LRRIQ3: variants seen among roughly 807,000 people sequenced by gnomAD.
LRRIQ3 encodes the protein leucine rich repeats and IQ motif containing 3, also known as leucine-rich repeat and IQ domain-containing protein 3.
Under a neutral mutation model 59.3 loss-of-function variants are expected in LRRIQ3, and 75 were observed. The observed-to-expected ratio is 1.26, with a 90% CI of 1.05 to 1.53. The LOEUF (loss-of-function observed/expected upper bound fraction) is 1.53. Ranked by LOEUF, LRRIQ3 falls within the 40% of genes most tolerant of loss-of-function variation. The probability of loss-of-function intolerance (pLI) is 0.00; values close to 1 mark genes in which losing one functional copy is unlikely to be tolerated. For missense variants in LRRIQ3, 831 were observed against 710.0 expected (o/e 1.17, Z -1.94); for synonymous variants, 250 against 231.3 (o/e 1.08, Z -0.73).
At chr1:74,182,942 T>C in intron 2 of LRRIQ3, 81 bp from the exon 3 acceptor site, 5 of 690,002 alleles carry the variant, frequency 7.2e-6, no homozygotes, top group Non-Finnish European at 1.1e-5. Context: ...ATTACACATA[T>C]AAAATTCAAT....
chr1:74,080,759 C>T lies in LRRIQ3; in HGVS notation c.868-5969G>A, dbSNP rs7355022. On this transcript the variant is annotated intron_variant, in intron 5 of 7. Transcript: ENST00000354431. ...CGCCTTTATTTGTTTGAATGAAAAT[C>T]GTTAGCTCTAGTGTCTGGCAGCACA... is the stretch of plus-strand genomic sequence containing the variant. 7.2e-3 allele frequency among the ~76,000 whole-genome samples: 1,097 copies of T among 151,642 alleles called. 14 individuals carry two copies. Among genetic ancestry groups the T allele is most frequent in the African/African-American group, 0.026 (1,060 of 41,482 alleles).
At chr1:74,145,424 C>T (rs1446473576) in intron 4 of LRRIQ3, among the ~76,000 whole-genome samples, 1 of 152,130 alleles carries the variant, frequency 6.6e-6, no homozygotes, top group East Asian at 1.9e-4. Flanking sequence ...TTTTCGTGAG[C>T]TTCCTGAAAA....
At chr1:74,087,381 C>CTTTTTTTTTTTTTTTTTTTTTTTTTTT (rs57068994) in intron 5 of LRRIQ3, among the ~76,000 whole-genome samples, 3 of 59,006 alleles carry the variant, frequency 5.1e-5, no homozygotes, top group African/African-American at 1.4e-4. Context: ...AAAATTTTAT[C>CTTTTTTTTTTTTTTTTTTTTTTTTTTT]TTTTTTTTTT....
chr1:74,074,826 T>C, intron 5 of LRRIQ3, 36 bp from the exon 6 acceptor site: 1 of 1,074,056 alleles, frequency 9.3e-7, no homozygotes, highest in Non-Finnish European at 1.3e-6. Flanking sequence ...ACAATGATAA[T>C]ATCTCATGTG....
intron 4 of LRRIQ3, among the ~76,000 whole-genome samples, chr1:74,139,100 A>G (rs1647182132): frequency 7.3e-6 from 1 of 137,472 alleles, no homozygotes; most frequent in Non-Finnish European, 1.6e-5. Context: ...GTGTGTATAT[A>G]TATATACATA....
intron 4 of LRRIQ3, among the ~76,000 whole-genome samples, chr1:74,154,337 C>T (rs2100664632): frequency 6.8e-6 from 1 of 146,772 alleles, no homozygotes; most frequent in Non-Finnish European, 1.5e-5. Context: ...TCAATTCCCA[C>T]AAATAGAAAT....
chr1:74,103,037 A>T (rs1646557322), intron 5 of LRRIQ3, among the ~76,000 whole-genome samples: 1 of 151,976 alleles, frequency 6.6e-6, no homozygotes, highest in Non-Finnish European at 1.5e-5. Flanking sequence ...TCTTCTCTAT[A>T]GATTCTTCTG....
chr1:74,062,042 A>G (rs532328450), intron 6 of LRRIQ3, among the ~76,000 whole-genome samples: 1 of 152,222 alleles, frequency 6.6e-6, no homozygotes, highest in East Asian at 1.9e-4. Flanking sequence ...TCAAAAGAAA[A>G]TAAAATTGAC....
intron 4 of LRRIQ3, among the ~76,000 whole-genome samples, chr1:74,122,533 C>A (rs1646875066): frequency 1.3e-5 from 2 of 152,000 alleles, no homozygotes; most frequent in Admixed American, 1.3e-4. Context: ...CGCATATCTA[C>A]AATCATCTAA....
intron 6 of LRRIQ3, among the ~76,000 whole-genome samples, chr1:74,048,164 A>G (rs1248560102): frequency 1.3e-5 from 2 of 152,162 alleles, no homozygotes; most frequent in African/African-American, 4.8e-5. Context: ...AGACTAACAC[A>G]AAGGAAGTTC....
chr1:74,169,934 A>G (rs1176994588), intron 3 of LRRIQ3, among the ~76,000 whole-genome samples: 2 of 152,074 alleles, frequency 1.3e-5, no homozygotes, highest in African/African-American at 2.4e-5. Context: ...ATCTTTTCAT[A>G]TATCTTTTTT....
intron 1 of LRRIQ3, among the ~76,000 whole-genome samples, chr1:74,186,049 TTATA>T (rs1167594525): frequency 6.7e-6 from 1 of 149,318 alleles, no homozygotes; most frequent in Admixed American, 6.7e-5. Context: ...GTACACAAAA[TTATA>T]TATATAATTA....
Position 74,166,830 on chromosome 1 carries a change from C to T in LRRIQ3, c.574-10964G>A, listed in dbSNP as rs756284991. ...TTCTCAAAAGAAGATATACAAATGG[C>T]CGACAAACATATGAAAAAAATGCTT... On this transcript the variant is annotated intron_variant, in intron 3 of 7. Transcript: ENST00000354431. 4.9e-4 allele frequency among the ~76,000 whole-genome samples: 75 copies of T among 151,616 alleles called. 2 individuals carry two copies. Among genetic ancestry groups the T allele is most frequent in the Non-Finnish European group, 4.4e-4 (30 of 67,816 alleles).
At chr1:74,132,903 A>C (rs1170587884) in intron 4 of LRRIQ3, among the ~76,000 whole-genome samples, 1 of 152,182 alleles carries the variant, frequency 6.6e-6, no homozygotes, top group African/African-American at 2.4e-5. Flanking sequence ...ACAGCAAAAG[A>C]AACTACCATC....
intron 3 of LRRIQ3, among the ~76,000 whole-genome samples, chr1:74,171,621 G>A (rs537449608): frequency 6.6e-6 from 1 of 152,190 alleles, no homozygotes; most frequent in East Asian, 1.9e-4. Context: ...TGTTGTTTTT[G>A]CCTGGCTTTG....
intron 7 of LRRIQ3, among the ~76,000 whole-genome samples, chr1:74,040,168 A>G (rs545253373): frequency 2.6e-5 from 4 of 152,282 alleles, no homozygotes; most frequent in Non-Finnish European, 4.4e-5. Flanking sequence ...CAGACTTTAA[A>G]CCAACAAAAA....
Position 74,198,165 on chromosome 1 carries a change from G to A in LRRIQ3, c.-170C>T. 6.6e-7 allele frequency: 1 copy of A among 1,519,318 alleles called. No individual in the cohort carries two copies. Among genetic ancestry groups the A allele is most frequent in the Non-Finnish European group, 8.8e-7 (1 of 1,135,738 alleles). 94.1% of individuals were successfully genotyped at this position (1,519,318 alleles called of 1,614,324 possible). On this transcript the variant is annotated 5_prime_UTR_variant, in exon 1 of 8. Coordinates refer to ENST00000354431, the MANE Select transcript of LRRIQ3 (RefSeq NM_001105659.2). ...TTCCGGGCGCCAGCCAAGGCGCTCCGGGGGCGTGGTTACGTGGGCGACGCA... is the reference window on the plus strand; with the variant it reads ...TTCCGGGCGCCAGCCAAGGCGCTCCAGGGGCGTGGTTACGTGGGCGACGCA...
At chr1:74,095,365 C>A (rs1404367390) in intron 5 of LRRIQ3, among the ~76,000 whole-genome samples, 4 of 152,132 alleles carry the variant, frequency 2.6e-5, no homozygotes, top group Non-Finnish European at 5.9e-5. Flanking sequence ...CCAATTCTAA[C>A]TATTGCATTC....
At chr1:74,092,095 T>G (rs1350601778) in intron 5 of LRRIQ3, among the ~76,000 whole-genome samples, 6 of 152,108 alleles carry the variant, frequency 3.9e-5, no homozygotes, top group Non-Finnish European at 5.9e-5. Flanking sequence ...ACACTTTTAT[T>G]TTCTATCTCT....
Sources: gnomAD v4.1 joint callset for allele counts (sites outside exome capture counted in the v4.1 genomes callset) on GRCh38, gnomAD v4.1.1 for gene constraint, MANE v1.5 for transcripts, NCBI Gene and HGNC (gene_info 2026-07-23, HGNC 2026-07-21) for gene names.